The following FCER2 variants were observed in gnomAD, a reference collection of about 807,000 sequenced individuals.
FCER2 encodes low affinity immunoglobulin epsilon Fc receptor.
A neutral mutation model predicts 49.7 loss-of-function variants in FCER2; 38 were observed. The observed-to-expected ratio is 0.76, with a 90% CI of 0.59 to 1.00. The LOEUF (loss-of-function observed/expected upper bound fraction) is 1.00. Ranked by LOEUF, FCER2 falls within the 50% of genes least tolerant of loss-of-function variation. The pLI is 0.00. For synonymous variants in FCER2, 163 were observed against 164.6 expected (o/e 0.99, Z 0.07); for missense variants, 425 against 419.5 (o/e 1.01, Z -0.11).
At chr19:7,696,433 A>C (rs943972691) in intron 8 of FCER2, among the ~76,000 whole-genome samples, 1 of 151,960 alleles carries the variant, frequency 6.6e-6, no homozygotes, top group African/African-American at 2.4e-5. Context: ...ACGGGGTTTC[A>C]CCATGTTGGT....
chr19:7,690,660 C>T (rs1348767232), intron 8 of FCER2, 103 bp from the exon 9 acceptor site: 26 of 1,224,624 alleles, frequency 2.1e-5, no homozygotes, highest in Non-Finnish European at 2.5e-5. Flanking sequence ...CCTGGGGTCC[C>T]GGCTAAAAGC....
At chr19:7,694,144 A>G (rs12462321) in intron 8 of FCER2, among the ~76,000 whole-genome samples, 35,382 of 151,844 alleles carry the variant, frequency 0.23, 4,487 homozygotes, top group Admixed American at 0.34. Context: ...GCTTGAGATG[A>G]GTGTGCTTCT....
intron 8 of FCER2, 144 bp from the exon 9 acceptor site, chr19:7,690,701 C>T: frequency 1.3e-6 from 1 of 756,004 alleles, no homozygotes; most frequent in Non-Finnish European, 2.1e-6. Context: ...CAGACAGCCT[C>T]ACGGGCTGTG....
At chr19:7,701,452 T>C (rs2033150550) in intron 1 of FCER2, among the ~76,000 whole-genome samples, 1 of 152,068 alleles carries the variant, frequency 6.6e-6, no homozygotes, top group Non-Finnish European at 1.5e-5. Context: ...CAGCACACAG[T>C]AGGTGCTCAG....
chr19:7,690,308 G>A (rs138319893), intron 9 of FCER2, 43 bp from the exon 10 acceptor site: 20 of 1,605,518 alleles, frequency 1.2e-5, no homozygotes, highest in African/African-American at 6.7e-5. Context: ...ACATGTGCCC[G>A]GGGCCTTCCA....
chr19:7,697,335 C>A, intron 5 of FCER2, 37 bp from the exon 6 acceptor site: 1 of 1,603,702 alleles, frequency 6.2e-7, no homozygotes, highest in Non-Finnish European at 8.5e-7. Context: ...GTAAGCAGGT[C>A]CTCATTGTCT....
chr19:7,691,311 G>A (rs1023189993), intron 8 of FCER2, among the ~76,000 whole-genome samples: 24 of 152,068 alleles, frequency 1.6e-4, no homozygotes, highest in African/African-American at 5.1e-4. Flanking sequence ...ACCACGGCTT[G>A]GGAACTCTTC....
intron 10 of FCER2, 29 bp downstream of exon 10, chr19:7,690,129 TC>T (rs2032818704): frequency 2.9e-6 from 4 of 1,380,670 alleles, no homozygotes; most frequent in Non-Finnish European, 4.1e-6. Context: ...TTCCATCTCC[TC>T]CCCTGGATCC....
rs1428668191 is a variant in FCER2 at position 7,698,371 on chromosome 19, T to C, written c.175A>G (p.Arg59Gly). The change falls in exon 4 of 11, where the codon AGG becomes GGG. Residue 59 changes from arginine to glycine, a missense_variant. Transcript: ENST00000597921. ...CCCTTCATACCGTTCCGGGCAGCCCTCTCTTCCAGCTGTTTTAGACTCTGT... is the reference window on the plus strand; with the variant it reads ...CCCTTCATACCGTTCCGGGCAGCCCCCTCTTCCAGCTGTTTTAGACTCTGT... The part of the protein sequence containing the change: ...TTQSLKQLEE[R>G]AARNVSQVSK... The C allele has an allele frequency of 6.2e-7, 1 of 1,611,712 alleles. No individual in the cohort carries two copies. Among genetic ancestry groups the C allele is most frequent in the Non-Finnish European group, 8.5e-7 (1 of 1,178,624 alleles).
In FCER2 at chr19:7,690,152, T is replaced by G. The variant is rs1195559485; in HGVS notation, c.728+7A>C. Reference sequence around the variant, plus strand: ...CCTCCCCTGGATCCCAGAGGCCCCCTCCTCACCTGTAGTCCACGTGGCTCC... The same window carrying G: ...CCTCCCCTGGATCCCAGAGGCCCCCGCCTCACCTGTAGTCCACGTGGCTCC... On this transcript the variant is annotated splice_region_variant and intron_variant, in intron 10 of 10. Coordinates refer to ENST00000597921, the MANE Select transcript of FCER2 (RefSeq NM_001220500.2). The G allele has an allele frequency of 6.3e-7, 1 of 1,576,550 alleles. No individual in the cohort carries two copies. The highest frequency in any genetic ancestry group is 1.1e-5 in the South Asian group (1 of 90,282).
chr19:7,698,927 C>T lies in FCER2; in HGVS notation c.23-73G>A, dbSNP rs1258019425. 5 of 1,481,836 alleles carry T rather than the reference C, an allele frequency of 3.4e-6. No individual in the cohort carries two copies. In the African/African-American group the frequency reaches 5.6e-5, roughly 17 times the overall value. The allele number at this position is 1,481,836 out of a possible 1,614,324, so 91.8% of individuals were successfully genotyped here. On this transcript the variant is annotated intron_variant, in intron 2 of 10. Coordinates refer to ENST00000597921, the MANE Select transcript of FCER2 (RefSeq NM_001220500.2). ...GCTGGCCCTGTCCGTCTCTCCATTACCCAGAGCCCCCGACAGCCTGGGAGC... is the reference window on the plus strand; with the variant it reads ...GCTGGCCCTGTCCGTCTCTCCATTATCCAGAGCCCCCGACAGCCTGGGAGC...
intron 8 of FCER2, among the ~76,000 whole-genome samples, chr19:7,693,849 A>C (rs1311148147): frequency 6.6e-6 from 1 of 150,760 alleles, no homozygotes; most frequent in African/African-American, 2.4e-5. Flanking sequence ...GGGTTTCACC[A>C]TGTTGGTCAG....
chr19:7,689,989 A>T (rs1221657447), intron 10 of FCER2, among the ~76,000 whole-genome samples, 170 bp downstream of exon 10: 1 of 152,028 alleles, frequency 6.6e-6, no homozygotes, highest in Admixed American at 6.6e-5. Context: ...CCTCCAGGTC[A>T]GAGAAGCCTT....
At chr19:7,699,622 T>C in intron 2 of FCER2, 117 bp downstream of exon 2, 1 of 1,281,896 alleles carries the variant, frequency 7.8e-7, no homozygotes, top group East Asian at 2.3e-5. Flanking sequence ...GTCCCTTTCT[T>C]AGAAATTCAC....
At chr19:7,690,358 C>T in intron 9 of FCER2, 48 bp downstream of exon 9, 2 of 1,608,158 alleles carry the variant, frequency 1.2e-6, no homozygotes, top group South Asian at 1.1e-5. Context: ...GTGGGGGTCC[C>T]CCCACCCTCG....
Position 7,690,464 on chromosome 19 carries a change from C to CG in FCER2, c.562dup (p.Arg188ProfsTer5). On this transcript the variant is annotated frameshift_variant, in exon 9 of 11. Transcript: ENST00000597921. LOFTEE classifies it high-confidence loss of function. ...CCCTTCCATGTCGTCACAGGCATACCGGGCGTGGACCCACTGCTTGGTGCC... is the reference window on the plus strand; with the variant it reads ...CCCTTCCATGTCGTCACAGGCATACCGGGGCGTGGACCCACTGCTTGGTGCC... The CG allele has an allele frequency of 6.2e-7, 1 of 1,614,102 alleles. No individual in the cohort carries two copies.
At chr19:7,690,378 C>T in intron 9 of FCER2, 28 bp downstream of exon 9, 1 of 1,610,572 alleles carries the variant, frequency 6.2e-7, no homozygotes. Flanking sequence ...GCCATGCTGC[C>T]CACCACCTCT....
intron 10 of FCER2, among the ~76,000 whole-genome samples, chr19:7,689,635 TTTG>T (rs2032803660): frequency 6.6e-6 from 1 of 151,404 alleles, no homozygotes; most frequent in African/African-American, 2.4e-5. Flanking sequence ...ATTTATTTAT[TTTG>T]TTGAGACAGA....
intron 8 of FCER2, among the ~76,000 whole-genome samples, chr19:7,691,815 A>G (rs2032879246): frequency 6.6e-6 from 1 of 151,652 alleles, no homozygotes; most frequent in Admixed American, 6.6e-5. Context: ...CACCAACACC[A>G]TGACTACATT....
Sources: gnomAD v4.1 joint callset for allele counts (sites outside exome capture counted in the v4.1 genomes callset) on GRCh38, gnomAD v4.1.1 for gene constraint, MANE v1.5 for transcripts, NCBI Gene and HGNC (gene_info 2026-07-23, HGNC 2026-07-21) for gene names.